SLC4A5: variants seen among roughly 807,000 people sequenced by gnomAD.
SLC4A5 encodes the protein electrogenic sodium bicarbonate cotransporter 4.
Under a neutral mutation model 120.4 loss-of-function variants are expected in SLC4A5, and 96 were observed. The observed-to-expected ratio is 0.80, with a 90% CI of 0.68 to 0.94. The LOEUF is 0.94. SLC4A5 is among the 40% of genes least tolerant of loss of function. The pLI is 0.00. For missense variants in SLC4A5, 1,259 were observed against 1,459.5 expected (o/e 0.86, Z 2.24); for synonymous variants, 550 against 571.1 (o/e 0.96, Z 0.53).
At chr2:74,336,693 G>C (rs1472091441) in intron 3 of SLC4A5, among the ~76,000 whole-genome samples, 1 of 152,148 alleles carries the variant, frequency 6.6e-6, no homozygotes, top group South Asian at 2.1e-4. Context: ...TGGGGGATGG[G>C]AATAGGGAGT....
rs1165539536 is a variant in SLC4A5 at position 74,253,202 on chromosome 2, G to T, written c.1114-74C>A. 7.1e-6 allele frequency: 11 copies of T among 1,556,292 alleles called. No homozygotes were observed. In the Middle Eastern group the frequency reaches 6.1e-4, roughly 86 times the overall value. On this transcript the variant is annotated intron_variant, in intron 14 of 30. Transcript: ENST00000394019. ...AATGCCTGGGAGCATATCACATCTA[G>T]TTTTTAAAGGAATCCCTTTGAACCA...
rs553811587 is a variant in SLC4A5 at position 74,291,693 on chromosome 2, C to T, written c.272-5791G>A. 1.4e-4 allele frequency among the ~76,000 whole-genome samples: 21 copies of T among 152,332 alleles called. 1 individual carries two copies. Among genetic ancestry groups the T allele is most frequent in the Admixed American group, 1.2e-3 (19 of 15,308 alleles). On this transcript the variant is annotated intron_variant, in intron 7 of 30. Coordinates refer to ENST00000394019, the Ensembl canonical transcript of SLC4A5. ...TATGTTTTGCAAGGCTGGTTTTGAA[C>T]TCCTGTGCTCAGACAATCCTTCCGC... is the stretch of plus-strand genomic sequence containing the variant.
chr2:74,331,576 AG>A (rs1673367721), intron 4 of SLC4A5, among the ~76,000 whole-genome samples: 2 of 151,944 alleles, frequency 1.3e-5, no homozygotes, highest in Admixed American at 1.3e-4. Flanking sequence ...TTTCACCATT[AG>A]GAGTCTGGAG....
intron 25 of SLC4A5, among the ~76,000 whole-genome samples, chr2:74,228,200 C>T (rs568643469): frequency 1.4e-4 from 21 of 152,362 alleles, no homozygotes; most frequent in Non-Finnish European, 2.9e-4. Context: ...ACTGCCCCCT[C>T]CTCATTCCTG....
intron 20 of SLC4A5, among the ~76,000 whole-genome samples, chr2:74,240,208 C>A (rs992375075): frequency 6.6e-6 from 1 of 151,948 alleles, no homozygotes; most frequent in Non-Finnish European, 1.5e-5. Context: ...TATGCTGTTC[C>A]TTCAGTCTGG....
intron 30 of SLC4A5, among the ~76,000 whole-genome samples, chr2:74,220,796 G>T (rs572011077): frequency 6.8e-6 from 1 of 148,086 alleles, no homozygotes; most frequent in Non-Finnish European, 1.5e-5. Flanking sequence ...GACTACAGGC[G>T]TGAGCCACCG....
chr2:74,335,685 C>T (rs1020239357), intron 3 of SLC4A5, among the ~76,000 whole-genome samples: 4 of 152,172 alleles, frequency 2.6e-5, no homozygotes, highest in African/African-American at 9.7e-5. Flanking sequence ...GACACCAGCA[C>T]TGTCTGATCA....
chr2:74,286,077 C>T (rs907205901), intron 7 of SLC4A5, among the ~76,000 whole-genome samples, 175 bp from the exon 8 acceptor site: 18 of 152,230 alleles, frequency 1.2e-4, no homozygotes, highest in East Asian at 1.2e-3. Flanking sequence ...CAGAGGTGGG[C>T]GAGATACTCT....
intron 11 of SLC4A5, among the ~76,000 whole-genome samples, chr2:74,260,840 A>G (rs2104028260): frequency 6.6e-6 from 1 of 152,340 alleles, no homozygotes; most frequent in African/African-American, 2.4e-5. Flanking sequence ...TTCAGAATAA[A>G]ACCCGGGTTC....
At chr2:74,221,263 C>T (rs542964763) in intron 30 of SLC4A5, among the ~76,000 whole-genome samples, 171 bp downstream of exon 30, 1 of 152,336 alleles carries the variant, frequency 6.6e-6, no homozygotes, top group South Asian at 2.1e-4. Context: ...ATACTTGTTT[C>T]TTGGCCCTGA....
At chr2:74,237,630 CTGTAA>C (rs1170320932) in intron 21 of SLC4A5, among the ~76,000 whole-genome samples, 3 of 152,250 alleles carry the variant, frequency 2.0e-5, no homozygotes, top group Non-Finnish European at 4.4e-5. Context: ...GCAGTAGCAG[CTGTAA>C]TACTTAGTTA....
chr2:74,262,663 C>CACTCCAGCCTGGGTGACAGAGTGAG (rs1238546378), intron 10 of SLC4A5, among the ~76,000 whole-genome samples: 18 of 151,060 alleles, frequency 1.2e-4, no homozygotes, highest in Admixed American at 4.6e-4. Flanking sequence ...CGCGCCATTG[C>CACTCCAGCCTGGGTGACAGAGTGAG]ACTCCAGCCT....
chr2:74,229,859 T>C (rs1226483316), intron 25 of SLC4A5, among the ~76,000 whole-genome samples: 1 of 150,992 alleles, frequency 6.6e-6, no homozygotes, highest in Non-Finnish European at 1.5e-5. Flanking sequence ...GTTTGTTTCT[T>C]ACAAGGTCAC....
At chr2:74,294,732 C>T (rs1050553711) in intron 7 of SLC4A5, among the ~76,000 whole-genome samples, 24 of 150,514 alleles carry the variant, frequency 1.6e-4, no homozygotes, top group Non-Finnish European at 2.4e-4. Context: ...AGTGTACTGA[C>T]GCAATCTCAG....
intron 19 of SLC4A5, among the ~76,000 whole-genome samples, chr2:74,246,513 G>C (rs1199684604): frequency 6.6e-6 from 1 of 152,178 alleles, no homozygotes; most frequent in Non-Finnish European, 1.5e-5. Context: ...ATAAGCCCCG[G>C]TTCTCCAACT....
chr2:74,222,901 A>AT lies in SLC4A5; in HGVS notation c.3297dup (p.Ser1100IlefsTer63). ...CAGTGGATACCGTTTTGGGGATCTG[A>AT]TTGGACACTTTCCATGGGAATCTTT... is the stretch of plus-strand genomic sequence containing the variant. On this transcript the variant is annotated frameshift_variant, in exon 29 of 31. Coordinates refer to ENST00000394019, the Ensembl canonical transcript of SLC4A5. LOFTEE classifies it high-confidence loss of function. The AT allele has an allele frequency of 6.2e-7, 1 of 1,613,500 alleles. No homozygotes were observed.
At chr2:74,294,758 G>C (rs542375620) in intron 7 of SLC4A5, among the ~76,000 whole-genome samples, 4 of 149,912 alleles carry the variant, frequency 2.7e-5, no homozygotes, top group Non-Finnish European at 5.9e-5. Flanking sequence ...TACAACCTCC[G>C]CCTCCAGTGT....
intron 7 of SLC4A5, among the ~76,000 whole-genome samples, chr2:74,296,786 CAAA>C (rs11374814): frequency 6.8e-5 from 5 of 73,040 alleles, no homozygotes; most frequent in African/African-American, 9.3e-5. Context: ...GACTCTGTCT[CAAA>C]AAAAAAAAAA....
intron 3 of SLC4A5, among the ~76,000 whole-genome samples, chr2:74,338,223 T>C (rs1303303046): frequency 2.0e-5 from 3 of 152,142 alleles, no homozygotes; most frequent in Non-Finnish European, 4.4e-5. Flanking sequence ...GAGGCCTGAT[T>C]TTGTTTGGGG....
Sources: gnomAD v4.1 joint callset for allele counts (sites outside exome capture counted in the v4.1 genomes callset) on GRCh38, gnomAD v4.1.1 for gene constraint, MANE v1.5 for transcripts, NCBI Gene and HGNC (gene_info 2026-07-23, HGNC 2026-07-21) for gene names.